ZMAT5: variants seen among roughly 807,000 people sequenced by gnomAD.
ZMAT5 encodes zinc finger matrin-type protein 5.
Under a neutral mutation model 28.0 loss-of-function variants are expected in ZMAT5, and 23 were observed. The ratio of observed to expected loss-of-function variants is 0.82; its 90% CI spans 0.59 to 1.16. ZMAT5 has a LOEUF of 1.16. Ranked by LOEUF, ZMAT5 falls within the 50% of genes most tolerant of loss-of-function variation. The pLI is 0.00. For missense variants in ZMAT5, 173 were observed against 212.7 expected (o/e 0.81, Z 1.16); for synonymous variants, 76 against 84.1 (o/e 0.90, Z 0.52).
At chr22:29,743,637 A>C (rs1216949242) in intron 2 of ZMAT5, among the ~76,000 whole-genome samples, 1 of 151,256 alleles carries the variant, frequency 6.6e-6, no homozygotes, top group Non-Finnish European at 1.5e-5. Context: ...TCGCCATGTT[A>C]CCCAGGCTGG....
intron 1 of ZMAT5, among the ~76,000 whole-genome samples, chr22:29,758,497 C>G (rs1453796914): frequency 6.6e-6 from 1 of 151,932 alleles, no homozygotes; most frequent in Non-Finnish European, 1.5e-5. Flanking sequence ...GTGATGCATG[C>G]CTATAGTTCC....
rs185734284 is a variant in ZMAT5 at position 29,737,196 on chromosome 22, G to A, written c.383+1134C>T. 1.8e-3 allele frequency among the ~76,000 whole-genome samples: 270 copies of A among 152,150 alleles called. 1 individual carries two copies. Among genetic ancestry groups the A allele is most frequent in the Admixed American group, 3.3e-3 (51 of 15,282 alleles). ...ATACAAAAATCAGCCAGGTATGATG[G>A]TGGGTGCCTGTAATCCCAGCTACTT... On this transcript the variant is annotated intron_variant, in intron 5 of 5. Transcript: ENST00000344318.
At chr22:29,740,540 T>G in intron 4 of ZMAT5, 110 bp downstream of exon 4, 2 of 1,184,728 alleles carry the variant, frequency 1.7e-6, no homozygotes, top group Non-Finnish European at 2.4e-6. Context: ...GGGTGGCCCT[T>G]GGTTGCCAAT....
At chr22:29,736,696 G>T (rs532197114) in intron 5 of ZMAT5, among the ~76,000 whole-genome samples, 7 of 137,318 alleles carry the variant, frequency 5.1e-5, no homozygotes, top group Admixed American at 3.0e-4. Context: ...CTTCAGCCTG[G>T]GTGACAGAGC....
At chr22:29,749,816 GC>G (rs2068041665) in intron 1 of ZMAT5, among the ~76,000 whole-genome samples, 1 of 152,084 alleles carries the variant, frequency 6.6e-6, no homozygotes, top group Non-Finnish European at 1.5e-5. Flanking sequence ...TTTATAAGGG[GC>G]TCTTCGTGCT....
chr22:29,757,243 A>C (rs75543410), intron 1 of ZMAT5, among the ~76,000 whole-genome samples: 1 of 122,626 alleles, frequency 8.2e-6, no homozygotes. Context: ...GACTTCACAG[A>C]AAAAAAAAAA....
chr22:29,755,113 T>C (rs536399451), intron 1 of ZMAT5, among the ~76,000 whole-genome samples: 3 of 151,902 alleles, frequency 2.0e-5, no homozygotes, highest in African/African-American at 7.2e-5. Context: ...CTGACCAACA[T>C]GGTGAAACCC....
chr22:29,750,271 C>A (rs1844163583), intron 1 of ZMAT5, among the ~76,000 whole-genome samples: 1 of 152,198 alleles, frequency 6.6e-6, no homozygotes, highest in Non-Finnish European at 1.5e-5. Flanking sequence ...CAAACCCAGT[C>A]CCCTAACGTT....
intron 1 of ZMAT5, among the ~76,000 whole-genome samples, chr22:29,757,992 G>A (rs1212008231): frequency 6.6e-6 from 1 of 151,888 alleles, no homozygotes; most frequent in Admixed American, 6.6e-5. Context: ...TCCAGCCTGG[G>A]CAAGAGAATG....
intron 5 of ZMAT5, among the ~76,000 whole-genome samples, chr22:29,737,033 A>AG (rs2067912456): frequency 6.9e-6 from 1 of 144,424 alleles, no homozygotes; most frequent in African/African-American, 2.6e-5. Flanking sequence ...CTCAAAAAAA[A>AG]AAAAAAAAGC....
chr22:29,738,531 C>T, intron 4 of ZMAT5, 90 bp from the exon 5 acceptor site: 1 of 1,199,542 alleles, frequency 8.3e-7, no homozygotes, highest in Non-Finnish European at 1.2e-6. Context: ...AACTGGTAGG[C>T]CCTGAGCAAG....
chr22:29,731,418 C>T (rs2067842867), intron 5 of ZMAT5, 64 bp from the exon 6 acceptor site: 2 of 1,509,078 alleles, frequency 1.3e-6, no homozygotes, highest in South Asian at 1.4e-5. Flanking sequence ...ATGCCACCCC[C>T]AGCCCACCTG....
chr22:29,750,738 C>G (rs1424479927), intron 1 of ZMAT5, among the ~76,000 whole-genome samples: 1 of 152,220 alleles, frequency 6.6e-6, no homozygotes, highest in African/African-American at 2.4e-5. Flanking sequence ...TCCGGGCTAG[C>G]AGCCAAAGCC....
In ZMAT5 at chr22:29,756,174, G is replaced by T. The variant is rs535737114; in HGVS notation, c.-27-7603C>A. On this transcript the variant is annotated intron_variant, in intron 1 of 5. Coordinates refer to ENST00000344318, the MANE Select transcript of ZMAT5 (RefSeq NM_001003692.2). ...TCACCTGTTATTTTTTCTAATTATG[G>T]CACCTCCAGACCCCAGGTAAACAGT... 2.0e-5 allele frequency among the ~76,000 whole-genome samples: 3 copies of T among 152,296 alleles called. No homozygotes were observed. In the South Asian group the frequency reaches 6.2e-4, roughly 32 times the overall value.
chr22:29,762,977 G>C (rs2068171938), intron 1 of ZMAT5, among the ~76,000 whole-genome samples: 1 of 152,152 alleles, frequency 6.6e-6, no homozygotes, highest in Admixed American at 6.6e-5. Context: ...CTTGTGGCCA[G>C]GAGTTAGAGA....
At chr22:29,748,373 G>A (rs1224347927) in intron 2 of ZMAT5, 45 bp downstream of exon 2, 1 of 1,613,680 alleles carries the variant, frequency 6.2e-7, no homozygotes, top group Admixed American at 1.7e-5. Flanking sequence ...AGAAAGATCA[G>A]AGAGCAGGGC....
rs755316473 is a variant in ZMAT5, at chr22:29,731,217, C to T, written c.*8G>A. On this transcript the variant is annotated 3_prime_UTR_variant, in exon 6 of 6. Coordinates refer to ENST00000344318, the MANE Select transcript of ZMAT5 (RefSeq NM_001003692.2). ...TGACCACGTGGGGGTCAGTCGGGGG[C>T]AAGGGGCTCAGCCCCACTGGACTCT... 13 of 1,489,884 alleles carry T rather than the reference C, an allele frequency of 8.7e-6. No individual in the cohort carries two copies. In the African/African-American group the frequency reaches 1.2e-4, roughly 14 times the overall value. The allele number at this position is 1,489,884 out of a possible 1,614,324, so 92.3% of individuals were successfully genotyped here.
chr22:29,747,545 C>T (rs111876093), intron 2 of ZMAT5: 9,183 of 152,602 alleles, frequency 0.06, 320 homozygotes, highest in Middle Eastern at 0.1. Context: ...TGGCTCATTC[C>T]AGGAGCTCCT....
chr22:29,756,010 C>T (rs1346581862), intron 1 of ZMAT5, among the ~76,000 whole-genome samples: 1 of 152,258 alleles, frequency 6.6e-6, no homozygotes, highest in East Asian at 1.9e-4. Context: ...CCATTCCTTT[C>T]GTTGTGTGTG....
Sources: gnomAD v4.1 joint callset for allele counts (sites outside exome capture counted in the v4.1 genomes callset) on GRCh38, gnomAD v4.1.1 for gene constraint, MANE v1.5 for transcripts, NCBI Gene and HGNC (gene_info 2026-07-23, HGNC 2026-07-21) for gene names.